SLC38A1: variants seen among roughly 807,000 people sequenced by gnomAD.
The protein encoded by SLC38A1 is solute carrier family 38 member 1, also known as sodium-coupled neutral amino acid symporter 1.
A neutral mutation model predicts 60.3 loss-of-function variants in SLC38A1; 18 were observed. The observed-to-expected ratio is 0.30, with a 90% CI of 0.21 to 0.44. The LOEUF (loss-of-function observed/expected upper bound fraction) is 0.44, where lower values mean the gene tolerates loss of function less well. SLC38A1 is among the 20% of genes least tolerant of loss of function. The pLI, the probability that SLC38A1 is intolerant of heterozygous loss-of-function variation, is 1.00. For missense variants in SLC38A1, 448 were observed against 587.2 expected (o/e 0.76, Z 2.45); for synonymous variants, 196 against 212.1 (o/e 0.92, Z 0.66).
At chr12:46,214,066 G>A (rs1940298692) in intron 5 of SLC38A1, among the ~76,000 whole-genome samples, 1 of 152,142 alleles carries the variant, frequency 6.6e-6, no homozygotes, top group Non-Finnish European at 1.5e-5. Context: ...AACTTTGTTG[G>A]TTTCTACAGA....
chr12:46,251,208 G>A (rs549478661), intron 1 of SLC38A1, among the ~76,000 whole-genome samples: 105 of 152,286 alleles, frequency 6.9e-4, no homozygotes, highest in African/African-American at 2.5e-3. Context: ...ACAACCATCT[G>A]ATCTTTGACA....
At chr12:46,223,518 T>C (rs1392380925) in intron 5 of SLC38A1, among the ~76,000 whole-genome samples, 1 of 152,070 alleles carries the variant, frequency 6.6e-6, no homozygotes, top group African/African-American at 2.4e-5. Context: ...TATGCGTTGG[T>C]ACTAATAAAA....
At chr12:46,249,652 GA>G (rs948112708) in intron 1 of SLC38A1, among the ~76,000 whole-genome samples, 7 of 152,176 alleles carry the variant, frequency 4.6e-5, no homozygotes, top group African/African-American at 1.7e-4. Context: ...TGATAAAGGG[GA>G]TATCACCACC....
intron 1 of SLC38A1, among the ~76,000 whole-genome samples, chr12:46,256,636 C>CACAGAGAGAGAGAGAGAGAGAG (rs142176282): frequency 8.1e-6 from 1 of 123,204 alleles, no homozygotes; most frequent in Non-Finnish European, 1.6e-5. Flanking sequence ...CACACACACA[C>CACAGAGAGAGAGAGAGAGAGAG]AGAGAGAGAG....
Position 46,200,505 on chromosome 12 carries a change from G to C in SLC38A1, c.1003+593C>G, listed in dbSNP as rs530156195. Among the ~76,000 whole-genome samples the C allele has an allele frequency of 9.2e-5, 14 of 152,170 alleles. No individual in the cohort carries two copies. In the South Asian group the frequency reaches 2.3e-3, roughly 25 times the overall value. ...ATTAAATCAAGCTTCAGGATAATTTGAATAGGAGAGGATGAAGAAGCAGTA... is the reference window on the plus strand; with the variant it reads ...ATTAAATCAAGCTTCAGGATAATTTCAATAGGAGAGGATGAAGAAGCAGTA... On this transcript the variant is annotated intron_variant, in intron 13 of 16. Coordinates refer to ENST00000398637, the MANE Select transcript of SLC38A1 (RefSeq NM_030674.4).
At chr12:46,214,773 A>G (rs749653134) in intron 5 of SLC38A1, among the ~76,000 whole-genome samples, 11 of 152,312 alleles carry the variant, frequency 7.2e-5, no homozygotes, top group Admixed American at 1.3e-4. Context: ...ACAGCAACAA[A>G]TCATATGACA....
intron 5 of SLC38A1, among the ~76,000 whole-genome samples, chr12:46,228,822 A>G (rs1940962710): frequency 6.6e-6 from 1 of 152,228 alleles, no homozygotes; most frequent in African/African-American, 2.4e-5. Context: ...GGCTGGGGTT[A>G]AACACCTCTT....
chr12:46,229,127 G>T, intron 5 of SLC38A1, 26 bp downstream of exon 5: 1 of 1,354,298 alleles, frequency 7.4e-7, no homozygotes, highest in Non-Finnish European at 1.0e-6. Context: ...TTTTAAAATG[G>T]AAAGTACCGG....
intron 1 of SLC38A1, among the ~76,000 whole-genome samples, chr12:46,251,678 A>T (rs1941844812): frequency 6.6e-6 from 1 of 152,232 alleles, no homozygotes; most frequent in African/African-American, 2.4e-5. Context: ...TGGGCAAAGG[A>T]TATGAACAGA....
chr12:46,246,775 T>C lies in SLC38A1; in HGVS notation c.-208-3461A>G, dbSNP rs567732858. 3.4e-4 allele frequency among the ~76,000 whole-genome samples: 51 copies of C among 152,232 alleles called. 1 individual carries two copies. The highest frequency in any genetic ancestry group is 5.9e-5 in the Non-Finnish European group (4 of 68,012). On this transcript the variant is annotated intron_variant, in intron 1 of 16. Coordinates refer to ENST00000398637, the MANE Select transcript of SLC38A1 (RefSeq NM_030674.4). ...CTAGTAGGGGCTGACTGACACCTCA[T>C]ACAAGCAGGAGCCCCTCTTGGACAA...
intron 5 of SLC38A1, among the ~76,000 whole-genome samples, chr12:46,218,190 T>G (rs767289197): frequency 2.6e-4 from 40 of 152,328 alleles, no homozygotes; most frequent in Non-Finnish European, 3.7e-4. Flanking sequence ...GGTAGAGGGC[T>G]GTGGGTTTTG....
intron 3 of SLC38A1, 149 bp downstream of exon 3, chr12:46,239,530 G>T: frequency 2.7e-6 from 2 of 739,986 alleles, no homozygotes; most frequent in Non-Finnish European, 2.2e-6. Context: ...TCACCATGTT[G>T]GTGGGTTTCA....
intron 1 of SLC38A1, among the ~76,000 whole-genome samples, chr12:46,256,929 C>G (rs1442327812): frequency 1.3e-5 from 2 of 152,144 alleles, no homozygotes; most frequent in East Asian, 3.9e-4. Flanking sequence ...AGAGTTTCAA[C>G]ATGTGGTGTC....
intron 3 of SLC38A1, chr12:46,239,301 T>G (rs1335349375): frequency 6.4e-6 from 1 of 155,966 alleles, no homozygotes; most frequent in African/African-American, 2.4e-5. Context: ...CAGAATAATT[T>G]TTAAAACCAT....
intron 1 of SLC38A1, among the ~76,000 whole-genome samples, chr12:46,258,270 G>A (rs1179222307): frequency 7.9e-5 from 12 of 152,084 alleles, no homozygotes; most frequent in Non-Finnish European, 5.9e-5. Context: ...ATCTGGAAAC[G>A]CAGCTCAGTG....
At chr12:46,222,770 T>A (rs1454880249) in intron 5 of SLC38A1, among the ~76,000 whole-genome samples, 1 of 152,196 alleles carries the variant, frequency 6.6e-6, no homozygotes, top group African/African-American at 2.4e-5. Context: ...AATCTTAAAT[T>A]GCACATGCAG....
intron 5 of SLC38A1, among the ~76,000 whole-genome samples, chr12:46,218,231 T>C (rs772856933): frequency 2.0e-5 from 3 of 152,158 alleles, no homozygotes; most frequent in Non-Finnish European, 4.4e-5. Context: ...CTTGACACTC[T>C]TGATGTGTCC....
chr12:46,212,309 C>G (rs1265653445), intron 5 of SLC38A1, among the ~76,000 whole-genome samples: 1 of 152,222 alleles, frequency 6.6e-6, no homozygotes, highest in African/African-American at 2.4e-5. Context: ...CAGAGGAACA[C>G]AAGTGATTCC....
intron 1 of SLC38A1, among the ~76,000 whole-genome samples, chr12:46,244,660 T>C (rs2070231496): frequency 6.6e-6 from 1 of 152,244 alleles, no homozygotes; most frequent in African/African-American, 2.4e-5. Context: ...CTTCCTGATT[T>C]CCAGACTTCC....
Sources: allele counts gnomAD v4.1 joint callset (sites outside exome capture counted in the v4.1 genomes callset), GRCh38; gene constraint gnomAD v4.1.1; transcripts MANE v1.5; gene names NCBI Gene and HGNC (gene_info 2026-07-23, HGNC 2026-07-21).